TRPM2: variants seen among roughly 807,000 people sequenced by gnomAD.
TRPM2 encodes the protein transient receptor potential cation channel subfamily M member 2, also known as estrogen-responsive element-associated gene 1 protein.
In TRPM2, 161 loss-of-function variants were observed where a neutral mutation model predicts 174.0. The observed-to-expected ratio is 0.93, with a 90% CI of 0.81 to 1.05. TRPM2 has a LOEUF of 1.05. Among genes scored for constraint, TRPM2 ranks in the 50% least tolerant of loss-of-function variants. The probability of loss-of-function intolerance (pLI) is 0.00; values close to 1 mark genes in which losing one functional copy is unlikely to be tolerated. For synonymous variants in TRPM2, 954 were observed against 861.3 expected, an observed-to-expected ratio of 1.11 and a Z score of -1.88; for missense variants, 2,057 against 2,038.0, an observed-to-expected ratio of 1.01 and a Z score of -0.18.
At chr21:44,356,563 G>A (rs140309800) in intron 2 of TRPM2, among the ~76,000 whole-genome samples, 2,389 of 145,436 alleles carry the variant, frequency 0.016, 57 homozygotes, top group African/African-American at 0.058. Flanking sequence ...ACGGGGTCTC[G>A]CTCTGTCGCC....
At chr21:44,373,078 T>A (rs576875069) in intron 5 of TRPM2, among the ~76,000 whole-genome samples, 2 of 152,316 alleles carry the variant, frequency 1.3e-5, no homozygotes, top group South Asian at 4.1e-4. Flanking sequence ...CCTGTGATGC[T>A]GTCTCCACTC....
chr21:44,371,235 G>A (rs1015943653), intron 5 of TRPM2, among the ~76,000 whole-genome samples: 4 of 149,782 alleles, frequency 2.7e-5, no homozygotes, highest in Middle Eastern at 3.5e-3. Flanking sequence ...TCCCATGGCC[G>A]CCTCCCTCCA....
chr21:44,441,217 G>A (rs983407025), intron 31 of TRPM2, among the ~76,000 whole-genome samples: 3 of 148,122 alleles, frequency 2.0e-5, no homozygotes, highest in African/African-American at 5.1e-5. Flanking sequence ...CACCTCAGGT[G>A]GCCAGAGCTC....
chr21:44,434,880 G>A (rs533129114), intron 27 of TRPM2, among the ~76,000 whole-genome samples: 42 of 152,228 alleles, frequency 2.8e-4, no homozygotes, highest in African/African-American at 7.9e-4. Context: ...TGCAGTGGCC[G>A]GACTTCTGCT....
intron 9 of TRPM2, among the ~76,000 whole-genome samples, chr21:44,387,427 A>G (rs528795366): frequency 1.3e-4 from 20 of 152,374 alleles, no homozygotes; most frequent in African/African-American, 4.8e-4. Flanking sequence ...GGACTTCTGA[A>G]TATAAGACCT....
chr21:44,390,049 T>A (rs2049126146), intron 9 of TRPM2, among the ~76,000 whole-genome samples: 1 of 152,062 alleles, frequency 6.6e-6, no homozygotes, highest in South Asian at 2.1e-4. Context: ...ATTTTTTGTA[T>A]TTTTAGTAAA....
intron 17 of TRPM2, 142 bp from the exon 18 acceptor site, chr21:44,405,763 A>G: frequency 9.9e-7 from 1 of 1,013,292 alleles, no homozygotes; most frequent in Non-Finnish European, 1.4e-6. Flanking sequence ...CCAGCTTTGA[A>G]CACCTGGGAT....
At chr21:44,410,483 A>G (rs1601187583) in intron 19 of TRPM2, among the ~76,000 whole-genome samples, 1 of 62,288 alleles carries the variant, frequency 1.6e-5, no homozygotes, top group Non-Finnish European at 3.9e-5. Flanking sequence ...GCCTTGTAGT[A>G]AGTTTTGACC....
At chr21:44,397,160 T>C (rs1279674165) in intron 12 of TRPM2, among the ~76,000 whole-genome samples, 1 of 151,796 alleles carries the variant, frequency 6.6e-6, no homozygotes, top group Non-Finnish European at 1.5e-5. Flanking sequence ...TGCCTCAGCC[T>C]CCTGAGTAAC....
chr21:44,396,636 C>T (rs927672153), intron 12 of TRPM2, among the ~76,000 whole-genome samples: 1 of 8,180 alleles, frequency 1.2e-4, no homozygotes, highest in Admixed American at 1.4e-3. Flanking sequence ...GTGTGGAGGG[C>T]TGTGGAGGGG....
intron 9 of TRPM2, among the ~76,000 whole-genome samples, chr21:44,389,700 T>G (rs569057020): frequency 6.6e-6 from 1 of 152,216 alleles, no homozygotes; most frequent in African/African-American, 2.4e-5. Context: ...CCTTCTGAAA[T>G]GTCTTTCAGA....
chr21:44,412,510 A>G (rs2050139704), intron 19 of TRPM2, among the ~76,000 whole-genome samples: 1 of 152,006 alleles, frequency 6.6e-6, no homozygotes, highest in African/African-American at 2.4e-5. Flanking sequence ...TCTTAGCTAC[A>G]AGGTGGTAAT....
intron 24 of TRPM2, 184 bp downstream of exon 24, chr21:44,425,123 G>C: frequency 3.3e-6 from 2 of 604,706 alleles, no homozygotes; most frequent in East Asian, 5.7e-5. Flanking sequence ...CGCTGGCGCC[G>C]AGGCCCCGCC....
intron 11 of TRPM2, among the ~76,000 whole-genome samples, chr21:44,392,624 T>C (rs1257223247): frequency 2.0e-5 from 3 of 152,078 alleles, no homozygotes. Context: ...CAATGTGGCC[T>C]CGTTTAACCT....
At position 44,400,394 on chromosome 21, in the gene TRPM2, C is replaced by T. The variant is rs34803496; in HGVS notation, c.2321+23C>T. 4.2e-3 allele frequency: 6,710 copies of T among 1,586,444 alleles called. 31 individuals are homozygous for T. Among genetic ancestry groups the T allele is most frequent in the Non-Finnish European group, 4.6e-3 (5,407 of 1,172,008 alleles). On this transcript the variant is annotated intron_variant, in intron 15 of 31. Transcript: ENST00000397928. ...CAGGTGCTGCAGGGCTGCGGGGCTG[C>T]GGGACTGTGGGGCTGCGGGGCTGCG...
At chr21:44,381,542 A>C (rs1258017195) in intron 8 of TRPM2, among the ~76,000 whole-genome samples, 2 of 150,174 alleles carry the variant, frequency 1.3e-5, no homozygotes, top group South Asian at 4.2e-4. Flanking sequence ...GGATGGAGGG[A>C]TAGGTGGGTA....
chr21:44,390,720 C>T lies in TRPM2; in HGVS notation c.1319-184C>T, dbSNP rs376531210. On this transcript the variant is annotated intron_variant, in intron 9 of 31. Transcript: ENST00000397928. ...CCCCAAGATTCACTGATTCTGACTC[C>T]GAAATGGAACATGCTTTTGCAAGGC... 1.8e-4 allele frequency among the ~76,000 whole-genome samples: 27 copies of T among 152,246 alleles called. No homozygotes were observed. The East Asian group carries it at 3.5e-3, about 20-fold the overall frequency.
Position 44,399,157 on chromosome 21 carries a change from G to T in TRPM2, c.2063-139G>T, listed in dbSNP as rs1418380957. The T allele has an allele frequency of 1.7e-6, 2 of 1,161,850 alleles. No homozygotes were observed. Among genetic ancestry groups the T allele is most frequent in the Non-Finnish European group, 2.3e-6 (2 of 853,768 alleles). 72.0% of individuals were successfully genotyped at this position (1,161,850 alleles called of 1,614,324 possible). A position where few individuals can be genotyped will look rare whatever the true frequency, so the allele number is the denominator to read the frequency against. Reference sequence around the variant, plus strand: ...CCTCGTCCCTGGGCCTGGGTGTTTTGAGACACCAGCCCCACATTTGCCCTG... The same window carrying T: ...CCTCGTCCCTGGGCCTGGGTGTTTTTAGACACCAGCCCCACATTTGCCCTG... On this transcript the variant is annotated intron_variant, in intron 13 of 31. Transcript: ENST00000397928. The surrounding 1 kb of genome is among the most constrained non-coding windows in gnomAD (Gnocchi z 4.6).
At chr21:44,419,132 G>T (rs767997827) in intron 22 of TRPM2, among the ~76,000 whole-genome samples, 1 of 152,324 alleles carries the variant, frequency 6.6e-6, no homozygotes, top group East Asian at 1.9e-4. Flanking sequence ...GCAGCGGGCA[G>T]CAGGAAGGGC....
Sources: gnomAD v4.1 joint callset for allele counts (sites outside exome capture counted in the v4.1 genomes callset) on GRCh38, gnomAD v4.1.1 for gene constraint, Gnocchi (gnomAD v3.1) non-coding constraint, MANE v1.5 for transcripts, NCBI Gene and HGNC (gene_info 2026-07-23, HGNC 2026-07-21) for gene names.